DOCK10: variants seen among roughly 807,000 people sequenced by gnomAD.
DOCK10 encodes dedicator of cytokinesis 10.
DOCK10 carries 145 observed loss-of-function variants against 280.1 expected under a neutral mutation model. The observed-to-expected ratio is 0.52, with a 90% CI of 0.45 to 0.59. The LOEUF (loss-of-function observed/expected upper bound fraction) is 0.59. Among genes scored for constraint, DOCK10 ranks in the 20% least tolerant of loss-of-function variants. The pLI is 0.00. For missense variants in DOCK10, 2,368 were observed against 2,651.7 expected (o/e 0.89, Z 2.35); for synonymous variants, 915 against 942.2 (o/e 0.97, Z 0.53).
chr2:224,914,992 GA>G (rs1459512400), intron 3 of DOCK10, among the ~76,000 whole-genome samples: 1 of 152,092 alleles, frequency 6.6e-6, no homozygotes, highest in Admixed American at 6.6e-5. Context: ...GTAAGAAAAA[GA>G]AATGGAGTTT....
chr2:224,991,846 T>G (rs989867472), intron 1 of DOCK10, among the ~76,000 whole-genome samples: 7 of 152,204 alleles, frequency 4.6e-5, no homozygotes, highest in African/African-American at 1.7e-4. Flanking sequence ...TGGATATAAA[T>G]TACAGTGTTC....
At chr2:224,957,513 T>C (rs1422907421) in intron 1 of DOCK10, among the ~76,000 whole-genome samples, 1 of 152,154 alleles carries the variant, frequency 6.6e-6, no homozygotes, top group Non-Finnish European at 1.5e-5. Flanking sequence ...AGTCTAGAAC[T>C]CCTGGTTTCA....
chr2:224,848,666 A>G (rs1696524512), intron 19 of DOCK10, among the ~76,000 whole-genome samples: 1 of 152,230 alleles, frequency 6.6e-6, no homozygotes, highest in African/African-American at 2.4e-5. Context: ...CATGGAATTT[A>G]GCTTGAGGCT....
At chr2:225,035,574 A>ATATATATATATATATATATATAT (rs1690229915) in intron 1 of DOCK10, among the ~76,000 whole-genome samples, 2 of 78,080 alleles carry the variant, frequency 2.6e-5, no homozygotes, top group Non-Finnish European at 5.0e-5. Context: ...ATATATATAT[A>ATATATATATATATATATATATAT]TATATATATA....
intron 4 of DOCK10, among the ~76,000 whole-genome samples, chr2:224,893,058 G>A (rs141409276): frequency 1.3e-3 from 197 of 152,294 alleles, no homozygotes; most frequent in African/African-American, 4.4e-3. Context: ...GTTTGCATCC[G>A]ACATTGGTGA....
intron 4 of DOCK10, chr2:224,893,192 C>G (rs112322001): frequency 6.6e-6 from 1 of 152,098 alleles, no homozygotes; most frequent in Non-Finnish European, 1.5e-5. Flanking sequence ...TCTCAGTTTC[C>G]GAGTTTCTGC....
intron 28 of DOCK10, among the ~76,000 whole-genome samples, chr2:224,823,134 C>T (rs549885481): frequency 1.3e-4 from 20 of 151,618 alleles, no homozygotes; most frequent in African/African-American, 3.1e-4. Flanking sequence ...ACTACAGGCA[C>T]GCACCACCAC....
In DOCK10 at chr2:224,967,386, T is replaced by C. The variant is rs549501727; in HGVS notation, c.124-35718A>G. Among the ~76,000 whole-genome samples, 6 of 152,326 alleles carry C rather than the reference T, an allele frequency of 3.9e-5. No homozygotes were observed. The South Asian group carries it at 1.2e-3, about 32-fold the overall frequency. On this transcript the variant is annotated intron_variant, in intron 1 of 55. Coordinates refer to ENST00000258390, the MANE Select transcript of DOCK10 (RefSeq NM_014689.3). ...TGAGCCACCGCGCCCAGCCGGCCTA[T>C]CCTCTAGTCTTATCTGGTGTTAAAA...
chr2:224,942,089 C>T (rs1245384910), intron 1 of DOCK10, among the ~76,000 whole-genome samples: 2 of 152,334 alleles, frequency 1.3e-5, no homozygotes, highest in East Asian at 3.9e-4. Flanking sequence ...TGGTCCAGCC[C>T]ATGCTCAGAA....
intron 25 of DOCK10, among the ~76,000 whole-genome samples, chr2:224,836,882 A>G (rs1462961289): frequency 6.6e-6 from 1 of 150,618 alleles, no homozygotes; most frequent in Non-Finnish European, 1.5e-5. Flanking sequence ...TACAGGCGTG[A>G]GCCACCACGC....
At chr2:225,020,855 T>A (rs2106100093) in intron 1 of DOCK10, among the ~76,000 whole-genome samples, 1 of 152,394 alleles carries the variant, frequency 6.6e-6, no homozygotes, top group Non-Finnish European at 1.5e-5. Flanking sequence ...CTCTTACTTC[T>A]TGCATTTGTG....
chr2:224,781,302 C>T (rs1279579268), intron 50 of DOCK10, among the ~76,000 whole-genome samples: 2 of 152,108 alleles, frequency 1.3e-5, no homozygotes, highest in African/African-American at 4.8e-5. Context: ...GAACCTTTTT[C>T]TAAAGAGCTT....
rs114417600 is a variant in DOCK10, at chr2:224,958,571, C to A, written c.124-26903G>T. ...TTTAAATCCCCTCTGTGCACAACTA[C>A]AAAAGGTTCCAATTATCCTATTTCT... On this transcript the variant is annotated intron_variant, in intron 1 of 55. Transcript: ENST00000258390. Among the ~76,000 whole-genome samples, 311 of 152,200 alleles carry A rather than the reference C, an allele frequency of 2.0e-3. 1 individual carries two copies. The highest frequency in any genetic ancestry group is 6.7e-3 in the African/African-American group (277 of 41,514).
intron 1 of DOCK10, among the ~76,000 whole-genome samples, chr2:225,003,058 C>A (rs647915): frequency 0.52 from 78,651 of 151,928 alleles, 25,121 homozygotes; most frequent in Non-Finnish European, 0.68. Context: ...TTATTTTATT[C>A]TATTTTAGAG....
chr2:224,934,677 G>A (rs1702586562), intron 1 of DOCK10, among the ~76,000 whole-genome samples: 1 of 152,232 alleles, frequency 6.6e-6, no homozygotes, highest in South Asian at 2.1e-4. Context: ...GCTCCTTGCA[G>A]AGACATTGAG....
chr2:224,765,968 A>C, intron 55 of DOCK10, 131 bp from the exon 56 acceptor site: 1 of 607,180 alleles, frequency 1.6e-6, no homozygotes. Context: ...AAAAAGACAC[A>C]TATTAAAGTG....
chr2:224,978,925 A>G (rs1258844032), intron 1 of DOCK10, among the ~76,000 whole-genome samples: 1 of 151,004 alleles, frequency 6.6e-6, no homozygotes, highest in East Asian at 1.9e-4. Flanking sequence ...TCAGGCCATA[A>G]CAAGCACAGT....
intron 1 of DOCK10, among the ~76,000 whole-genome samples, chr2:224,996,237 A>T (rs977607074): frequency 5.9e-5 from 9 of 152,230 alleles, no homozygotes; most frequent in African/African-American, 2.2e-4. Context: ...GGGGTGCAAG[A>T]GGATAAGCTG....
At chr2:224,977,072 C>T (rs1439743363) in intron 1 of DOCK10, among the ~76,000 whole-genome samples, 1 of 152,160 alleles carries the variant, frequency 6.6e-6, no homozygotes, top group Non-Finnish European at 1.5e-5. Context: ...ATCCTTGACT[C>T]ACAGAAGAGA....
Sources: gnomAD v4.1 joint callset for allele counts (sites outside exome capture counted in the v4.1 genomes callset) on GRCh38, gnomAD v4.1.1 for gene constraint, MANE v1.5 for transcripts, NCBI Gene and HGNC (gene_info 2026-07-23, HGNC 2026-07-21) for gene names.